The following CEP128 variants were observed in gnomAD, a reference collection of about 807,000 sequenced individuals.
CEP128 encodes centrosomal protein 128.
In CEP128, 132 loss-of-function variants were observed where a neutral mutation model predicts 156.7. The observed-to-expected ratio is 0.84, with a 90% confidence interval of 0.73 to 0.97. CEP128 has a LOEUF of 0.97. Among genes scored for constraint, CEP128 ranks in the 50% least tolerant of loss-of-function variants. The pLI is 0.00. For synonymous variants in CEP128, 469 were observed against 448.9 expected (o/e 1.04, Z -0.57); for missense variants, 1,252 against 1,281.9 (o/e 0.98, Z 0.36).
At position 80,790,808 on chromosome 14, in the gene CEP128, G is replaced by A. The variant is rs1420341349; in HGVS notation, c.1560+1952C>T. Among the ~76,000 whole-genome samples the A allele has an allele frequency of 3.8e-5, 5 of 130,256 alleles. No individual in the cohort carries two copies. The Admixed American group carries it at 3.9e-4, about 10-fold the overall frequency. The allele number at this position is 130,256 out of a possible 152,430, so 85.5% of individuals were successfully genotyped here. A position where few individuals can be genotyped will look rare whatever the true frequency, so the allele number is the denominator to read the frequency against. On this transcript the variant is annotated intron_variant, in intron 14 of 24. Transcript: ENST00000555265. ...CAGAAAATAAATTATGCTAGAAAAA[G>A]AGAACTGGTGGTAGACACAGAACCA...
intron 9 of CEP128, among the ~76,000 whole-genome samples, chr14:80,847,318 T>G (rs775808229): frequency 5.9e-5 from 9 of 152,110 alleles, no homozygotes; most frequent in Non-Finnish European, 1.2e-4. Context: ...AATCCTATAA[T>G]AGTCAATCAT....
At chr14:80,916,627 C>A (rs1416718819) in intron 2 of CEP128, 65 bp from the exon 3 acceptor site, 10 of 1,280,992 alleles carry the variant, frequency 7.8e-6, no homozygotes, top group Non-Finnish European at 9.9e-6. Context: ...AAGACTAATA[C>A]AACAGTTTAC....
At chr14:80,616,075 G>A (rs962384449) in intron 19 of CEP128, among the ~76,000 whole-genome samples, 13 of 152,152 alleles carry the variant, frequency 8.5e-5, no homozygotes, top group African/African-American at 2.9e-4. Context: ...GCTTTACTTA[G>A]AAAAGAGTAA....
chr14:80,588,413 A>G (rs1891909382), intron 19 of CEP128, among the ~76,000 whole-genome samples: 1 of 152,042 alleles, frequency 6.6e-6, no homozygotes, highest in South Asian at 2.1e-4. Context: ...ATTCCTCATA[A>G]ATATCAGTAT....
chr14:80,749,957 A>C (rs1163687663), intron 18 of CEP128, among the ~76,000 whole-genome samples: 1 of 152,238 alleles, frequency 6.6e-6, no homozygotes, highest in African/African-American at 2.4e-5. Context: ...GATAAATCTG[A>C]AGGAATACAT....
chr14:80,692,508 A>G (rs1896753055), intron 19 of CEP128, among the ~76,000 whole-genome samples: 1 of 152,186 alleles, frequency 6.6e-6, no homozygotes, highest in African/African-American at 2.4e-5. Context: ...AGAAGAGCCA[A>G]GTGGTGTGGT....
chr14:80,837,100 G>T (rs866635040), intron 11 of CEP128, among the ~76,000 whole-genome samples: 1 of 152,164 alleles, frequency 6.6e-6, no homozygotes, highest in Non-Finnish European at 1.5e-5. Flanking sequence ...CAAAGTCAGC[G>T]AATATTTTCA....
intron 13 of CEP128, among the ~76,000 whole-genome samples, chr14:80,818,439 A>G (rs1481144986): frequency 1.3e-5 from 2 of 152,260 alleles, no homozygotes; most frequent in Non-Finnish European, 2.9e-5. Context: ...AAGGAATACC[A>G]AAAGAAGTTC....
intron 16 of CEP128, among the ~76,000 whole-genome samples, chr14:80,763,680 C>G (rs1900083189): frequency 6.6e-6 from 1 of 152,076 alleles, no homozygotes; most frequent in African/African-American, 2.4e-5. Flanking sequence ...GTGAACCTAT[C>G]TCCCCAAATA....
intron 8 of CEP128, among the ~76,000 whole-genome samples, chr14:80,869,217 T>C (rs1482906975): frequency 2.6e-5 from 4 of 152,048 alleles, no homozygotes; most frequent in Admixed American, 6.5e-5. Flanking sequence ...GGATAGATCA[T>C]GTTAGGCCAC....
chr14:80,511,930 T>C (rs932465706), intron 23 of CEP128, among the ~76,000 whole-genome samples: 6 of 152,082 alleles, frequency 3.9e-5, no homozygotes, highest in Non-Finnish European at 8.8e-5. Flanking sequence ...TCCCTTGCAG[T>C]CAGAGAAGAT....
intron 19 of CEP128, among the ~76,000 whole-genome samples, chr14:80,695,993 A>G (rs1896881073): frequency 2.0e-5 from 3 of 152,206 alleles, no homozygotes; most frequent in Non-Finnish European, 2.9e-5. Flanking sequence ...ACTGGGTGAC[A>G]GTAAGACTGG....
intron 8 of CEP128, among the ~76,000 whole-genome samples, chr14:80,877,313 G>A (rs149396772): frequency 2.4e-4 from 37 of 152,096 alleles, no homozygotes; most frequent in African/African-American, 7.5e-4. Flanking sequence ...TTAAATAAAT[G>A]AAATCAACAT....
chr14:80,740,507 TA>T (rs943495234), intron 19 of CEP128, among the ~76,000 whole-genome samples: 1 of 109,038 alleles, frequency 9.2e-6, no homozygotes, highest in African/African-American at 3.2e-5. Flanking sequence ...GATAGATAGA[TA>T]GATAGATAGA....
At chr14:80,606,746 G>C (rs1056013740) in intron 19 of CEP128, among the ~76,000 whole-genome samples, 1 of 152,028 alleles carries the variant, frequency 6.6e-6, no homozygotes, top group East Asian at 1.9e-4. Flanking sequence ...CTCAAACAAT[G>C]ACCTCTTTTC....
chr14:80,910,186 T>C (rs1225170296), intron 4 of CEP128, among the ~76,000 whole-genome samples: 1 of 152,250 alleles, frequency 6.6e-6, no homozygotes, highest in Non-Finnish European at 1.5e-5. Context: ...ATTAGGTCTA[T>C]TCTTTTACCT....
At chr14:80,861,555 A>C (rs1377881602) in intron 9 of CEP128, among the ~76,000 whole-genome samples, 4 of 152,084 alleles carry the variant, frequency 2.6e-5, no homozygotes. Context: ...AAGAAACATC[A>C]AGAAACCCAA....
downstream of CEP128, among the ~76,000 whole-genome samples, chr14:80,486,231 T>A (rs1887161832): frequency 6.6e-6 from 1 of 152,024 alleles, no homozygotes; most frequent in Non-Finnish European, 1.5e-5. Context: ...TGCAGAAGCC[T>A]CAGGAGCCGA....
chr14:80,779,457 T>G (rs1900982518), intron 15 of CEP128, among the ~76,000 whole-genome samples: 2 of 152,196 alleles, frequency 1.3e-5, no homozygotes, highest in Non-Finnish European at 1.5e-5. Context: ...AGGAAAATTG[T>G]TCAACTATGA....
Sources: gnomAD v4.1 joint callset for allele counts (sites outside exome capture counted in the v4.1 genomes callset) on GRCh38, gnomAD v4.1.1 for gene constraint, MANE v1.5 for transcripts, NCBI Gene and HGNC (gene_info 2026-07-23, HGNC 2026-07-21) for gene names.